Variants in SHLD1 observed in about 807,000 individuals in gnomAD.
The protein encoded by SHLD1 is RINN1-REV7-interacting novel NHEJ regulator 3.
In SHLD1, 3 loss-of-function variants were observed where a neutral mutation model predicts 5.5. The observed-to-expected ratio is 0.54, with a 90% CI of 0.25 to 1.40. SHLD1 has a LOEUF of 1.40. SHLD1 is among the 40% of genes most tolerant of loss of function. The pLI is 0.15. For synonymous variants in SHLD1, 92 were observed against 94.3 expected, an observed-to-expected ratio of 0.98 and a Z score of 0.14; for missense variants, 210 against 244.4, an observed-to-expected ratio of 0.86 and a Z score of 0.94.
intron 2 of SHLD1, among the ~76,000 whole-genome samples, chr20:5,850,511 ATT>A (rs1156477129): frequency 0.031 from 4,080 of 132,568 alleles, 79 homozygotes; most frequent in Middle Eastern, 0.053. Context: ...TTTAGTTTTA[ATT>A]TTTTTTTTTT....
chr20:5,775,519 T>C (rs1985381884), intron 2 of SHLD1, among the ~76,000 whole-genome samples: 1 of 152,180 alleles, frequency 6.6e-6, no homozygotes, highest in Non-Finnish European at 1.5e-5. Flanking sequence ...ATAAGGAGCA[T>C]GTTGAAATAT....
intron 2 of SHLD1, among the ~76,000 whole-genome samples, chr20:5,794,875 T>G (rs1048719862): frequency 6.6e-6 from 1 of 152,028 alleles, no homozygotes; most frequent in Non-Finnish European, 1.5e-5. Flanking sequence ...GAACACAGGA[T>G]TCCTGTGCTC....
chr20:5,832,801 A>AAATT (rs1170246041), intron 2 of SHLD1, among the ~76,000 whole-genome samples: 1 of 2,570 alleles, frequency 3.9e-4, no homozygotes, highest in African/African-American at 1.8e-3. Flanking sequence ...TCAAAATAAT[A>AAATT]AATAAATAAA....
chr20:5,844,597 G>A (rs1056831414), intron 2 of SHLD1, among the ~76,000 whole-genome samples: 92 of 152,098 alleles, frequency 6.0e-4, no homozygotes, highest in African/African-American at 1.9e-3. Flanking sequence ...TATAATCATA[G>A]TCCTCCTGCT....
chr20:5,791,082 G>A (rs1166650191), intron 2 of SHLD1, among the ~76,000 whole-genome samples: 3 of 151,972 alleles, frequency 2.0e-5, no homozygotes, highest in Non-Finnish European at 4.4e-5. Flanking sequence ...AGGATCGCCT[G>A]ATCCCAGGAG....
chr20:5,783,424 A>G (rs113286788), intron 2 of SHLD1, among the ~76,000 whole-genome samples: 2,228 of 152,240 alleles, frequency 0.015, 41 homozygotes, highest in African/African-American at 0.051. Flanking sequence ...AGGTTTCACC[A>G]TGTTGGCCAG....
intron 2 of SHLD1, among the ~76,000 whole-genome samples, chr20:5,825,754 T>C (rs565495408): frequency 1.3e-5 from 2 of 152,332 alleles, no homozygotes; most frequent in South Asian, 4.1e-4. Context: ...AAGAAAAAAG[T>C]AATAGGGTGT....
intron 2 of SHLD1, among the ~76,000 whole-genome samples, chr20:5,831,736 T>C (rs237081): frequency 0.43 from 65,394 of 151,952 alleles, 16,638 homozygotes; most frequent in African/African-American, 0.7. Context: ...GATCTCTCTC[T>C]CTCTCTCTCT....
At chr20:5,775,594 T>G (rs1985385519) in intron 2 of SHLD1, among the ~76,000 whole-genome samples, 1 of 152,196 alleles carries the variant, frequency 6.6e-6, no homozygotes, top group East Asian at 1.9e-4. Flanking sequence ...GGGGAACCCA[T>G]GTCTAAACAT....
intron 2 of SHLD1, among the ~76,000 whole-genome samples, chr20:5,776,689 G>A (rs1015860694): frequency 2.0e-5 from 3 of 152,080 alleles, no homozygotes; most frequent in African/African-American, 7.2e-5. Flanking sequence ...CTTGAACCCA[G>A]GAGGTGGAGG....
chr20:5,821,634 CAG>C (rs2087607375), intron 2 of SHLD1, among the ~76,000 whole-genome samples: 1 of 152,164 alleles, frequency 6.6e-6, no homozygotes, highest in Non-Finnish European at 1.5e-5. Context: ...TCGATCATAT[CAG>C]AGTTTCTGAG....
At chr20:5,802,842 A>C (rs558671244) in intron 2 of SHLD1, among the ~76,000 whole-genome samples, 7 of 152,140 alleles carry the variant, frequency 4.6e-5, no homozygotes, top group East Asian at 3.9e-4. Context: ...TTGGTCTCCT[A>C]AAGTGCTGAG....
rs566142227 is a variant in SHLD1, at chr20:5,755,466, C to T, written c.-5+4987C>T. ...TTCATCCCAAAACCGTCCCCCCACC[C>T]CCAGTCCATGGAAAAATTGTCTTCC... On this transcript the variant is annotated intron_variant, in intron 1 of 2. Transcript: ENST00000303142. Among the ~76,000 whole-genome samples the T allele has an allele frequency of 1.6e-4, 24 of 152,300 alleles. No homozygotes were observed. The East Asian group carries it at 4.1e-3, about 26-fold the overall frequency.
intron 1 of SHLD1, among the ~76,000 whole-genome samples, chr20:5,752,404 A>C (rs957727207): frequency 5.3e-5 from 8 of 151,870 alleles, no homozygotes; most frequent in South Asian, 2.1e-4. Flanking sequence ...TCAAAAAAAA[A>C]AAAAACAAAA....
intron 2 of SHLD1, among the ~76,000 whole-genome samples, chr20:5,775,923 A>AGTTTTTTTTT (rs1985401150): frequency 1.3e-5 from 1 of 77,678 alleles, no homozygotes; most frequent in Non-Finnish European, 2.4e-5. Context: ...TCAGCTCAGG[A>AGTTTTTTTTT]TTTTTTTTTT....
chr20:5,836,868 A>G (rs1026066942), intron 2 of SHLD1, among the ~76,000 whole-genome samples: 1 of 152,226 alleles, frequency 6.6e-6, no homozygotes, highest in Non-Finnish European at 1.5e-5. Context: ...CCCTATTACA[A>G]AATATAGAGA....
intron 2 of SHLD1, among the ~76,000 whole-genome samples, chr20:5,801,852 G>A (rs2087299052): frequency 6.6e-6 from 1 of 152,118 alleles, no homozygotes; most frequent in South Asian, 2.1e-4. Flanking sequence ...ATTTGGAAAT[G>A]TCTTAACATT....
At chr20:5,751,437 G>T (rs1327119798) in intron 1 of SHLD1, among the ~76,000 whole-genome samples, 1 of 152,078 alleles carries the variant, frequency 6.6e-6, no homozygotes, top group Non-Finnish European at 1.5e-5. Flanking sequence ...CTCCCGAGTA[G>T]CTGGGACTAC....
intron 2 of SHLD1, among the ~76,000 whole-genome samples, chr20:5,860,536 G>A (rs1011126728): frequency 1.3e-5 from 2 of 152,186 alleles, no homozygotes; most frequent in Admixed American, 6.5e-5. Context: ...CCCATTCACA[G>A]CTCTCCAGTT....
Sources: allele counts gnomAD v4.1 joint callset (sites outside exome capture counted in the v4.1 genomes callset), GRCh38; gene constraint gnomAD v4.1.1; transcripts MANE v1.5; gene names NCBI Gene and HGNC (gene_info 2026-07-23, HGNC 2026-07-21).